CRLS1: variants seen among roughly 807,000 people sequenced by gnomAD.
CRLS1 encodes the protein cardiolipin synthase (CMP-forming).
A neutral mutation model predicts 37.0 loss-of-function variants in CRLS1; 24 were observed. The observed-to-expected ratio is 0.65, with a 90% CI of 0.47 to 0.91. CRLS1 has a LOEUF of 0.91. Ranked by LOEUF, CRLS1 falls within the 40% of genes least tolerant of loss-of-function variation. The probability of loss-of-function intolerance (pLI) is 0.00; values close to 1 mark genes in which losing one functional copy is unlikely to be tolerated. For missense variants in CRLS1, 373 were observed against 395.8 expected (o/e 0.94, Z 0.49); for synonymous variants, 135 against 159.7 (o/e 0.85, Z 1.17).
At position 6,009,720 on chromosome 20, in the gene CRLS1, T is replaced by C. The variant is rs1236808637; in HGVS notation, c.307-55T>C. The stretch of plus-strand genomic sequence containing the variant: ...TTTTTCTAATGTATGTATATAGTTA[T>C]TCAAAGTATGAATTCATAGTATTTT... On this transcript the variant is annotated intron_variant, in intron 1 of 6. Coordinates refer to ENST00000378863, the MANE Select transcript of CRLS1 (RefSeq NM_019095.6). 16 of 1,478,774 alleles carry C rather than the reference T, an allele frequency of 1.1e-5. No individual in the cohort carries two copies. The Admixed American group carries it at 2.4e-4, about 22-fold the overall frequency. The allele number at this position is 1,478,774 out of a possible 1,614,324, so 91.6% of individuals were successfully genotyped here.
intron 3 of CRLS1, among the ~76,000 whole-genome samples, chr20:6,027,114 C>T (rs564294985): frequency 5.9e-4 from 83 of 141,014 alleles, no homozygotes; most frequent in African/African-American, 2.1e-3. Context: ...GAAGGAGTTT[C>T]GCTCTGTCAC....
rs2090074463 is a variant in CRLS1 at position 6,007,481 on chromosome 20, T to C, written c.306+929T>C. The C allele has an allele frequency of 2.0e-5, 29 of 1,448,888 alleles. 1 individual carries two copies. The South Asian group carries it at 3.5e-4, about 17-fold the overall frequency. The allele number at this position is 1,448,888 out of a possible 1,614,324, so 89.8% of individuals were successfully genotyped here. A position where few individuals can be genotyped will look rare whatever the true frequency, so the allele number is the denominator to read the frequency against. On this transcript the variant is annotated intron_variant, in intron 1 of 6. Coordinates refer to ENST00000378863, the MANE Select transcript of CRLS1 (RefSeq NM_019095.6). The stretch of plus-strand genomic sequence containing the variant: ...TTGAAACTTTTACGGATTTAATGAT[T>C]ACAAATTAATGAGACACCTTAACTG...
intron 2 of CRLS1, among the ~76,000 whole-genome samples, chr20:6,013,308 T>G (rs1156804119): frequency 6.6e-6 from 1 of 151,078 alleles, no homozygotes; most frequent in Non-Finnish European, 1.5e-5. Flanking sequence ...CACCTCAGCC[T>G]TCCAAGTAGC....
At position 6,015,441 on chromosome 20, in the gene CRLS1, A is replaced by G. The variant is rs1408444389; in HGVS notation, c.525A>G (p.Ile175Met). The G allele has an allele frequency of 1.9e-6, 3 of 1,611,216 alleles. No homozygotes were observed. The highest frequency in any genetic ancestry group is 2.5e-6 in the Non-Finnish European group (3 of 1,177,502). Residue 175 changes from isoleucine (I) to methionine (M), a missense_variant, in exon 3 of 7, where the codon ATA (isoleucine) becomes ATG (methionine). By Grantham distance (10) the Ile-to-Met change is conservative (BLOSUM62 1). Coordinates refer to ENST00000378863, the MANE Select transcript of CRLS1 (RefSeq NM_019095.6). The stretch of plus-strand genomic sequence containing the variant: ...CTCTTGATCCACTTGCTGATAAAAT[A>G]CTTATCAGTATCTTATATGTTAGCT... Reference protein sequence around the residue: ...GSALDPLADKILISILYVSLT... With the variant: ...GSALDPLADKMLISILYVSLT...
rs1389934495 is a variant in CRLS1, at chr20:6,038,519, C to T, written c.*1361C>T. Reference sequence around the variant, plus strand: ...CGCTTGGCTTGAAGCATACTGAAGCCTGCAGCCAGGGACACCGCCATTGAA... The same window carrying T: ...CGCTTGGCTTGAAGCATACTGAAGCTTGCAGCCAGGGACACCGCCATTGAA... On this transcript the variant is annotated 3_prime_UTR_variant, in exon 7 of 7. Transcript: ENST00000378863. 2.0e-5 allele frequency: 3 copies of T among 152,270 alleles called. No individual in the cohort carries two copies. Among genetic ancestry groups the T allele is most frequent in the Admixed American group, 6.5e-5 (1 of 15,282 alleles). The allele number at this position is 152,270 out of a possible 1,614,324, so 9.4% of individuals were successfully genotyped here.
At chr20:6,015,265 A>T (rs914301286) in intron 2 of CRLS1, 96 bp from the exon 3 acceptor site, 13 of 672,476 alleles carry the variant, frequency 1.9e-5, no homozygotes, top group Middle Eastern at 4.0e-4. Context: ...ATTTTATGAG[A>T]GTATAATTGT....
In CRLS1 at chr20:6,015,473, A is replaced by G. The variant is rs766652713; in HGVS notation, c.557A>G (p.Tyr186Cys). 6 of 1,613,504 alleles carry G rather than the reference A, an allele frequency of 3.7e-6. No homozygotes were observed. The highest frequency in any genetic ancestry group is 5.1e-6 in the Non-Finnish European group (6 of 1,179,504). The change falls in exon 3 of 7, where the codon TAT becomes TGT. Residue 186 changes from tyrosine (Y) to cysteine (C), a missense_variant. Coordinates refer to ENST00000378863, the MANE Select transcript of CRLS1 (RefSeq NM_019095.6). ...AGTATCTTATATGTTAGCTTGACCT[A>G]TGCAGATCTTATTCCAGGTAAGAAC... ...LISILYVSLTYADLIPVPLTY... is the reference protein window; with the variant it reads ...LISILYVSLTCADLIPVPLTY...
At chr20:6,012,073 C>T (rs1230086248) in intron 2 of CRLS1, among the ~76,000 whole-genome samples, 1 of 147,230 alleles carries the variant, frequency 6.8e-6, no homozygotes, top group Admixed American at 6.7e-5. Flanking sequence ...TTGCAGTATT[C>T]ATTGAATGTT....
At chr20:6,011,508 T>C (rs2122921818) in intron 2 of CRLS1, among the ~76,000 whole-genome samples, 1 of 150,110 alleles carries the variant, frequency 6.7e-6, no homozygotes, top group South Asian at 2.1e-4. Flanking sequence ...GAGTTTAGCG[T>C]CTACTAATAT....
At chr20:6,008,123 AG>A (rs2090084161) in intron 1 of CRLS1, among the ~76,000 whole-genome samples, 2 of 144,556 alleles carry the variant, frequency 1.4e-5, no homozygotes, top group African/African-American at 2.6e-5. Flanking sequence ...GATAGTTCAT[AG>A]AATTTTAAAA....
chr20:6,013,173 A>G (rs1978470089), intron 2 of CRLS1, among the ~76,000 whole-genome samples: 1 of 152,046 alleles, frequency 6.6e-6, no homozygotes, highest in African/African-American at 2.4e-5. Context: ...TCCTATATAT[A>G]AAAATATATG....
chr20:6,007,293 G>T, intron 1 of CRLS1: 1 of 1,569,166 alleles, frequency 6.4e-7, no homozygotes, highest in Non-Finnish European at 8.7e-7. Context: ...CCTGGCAGGG[G>T]TCTCAACTCC....
At chr20:6,022,672 G>A (rs1979373455) in intron 3 of CRLS1, among the ~76,000 whole-genome samples, 1 of 152,046 alleles carries the variant, frequency 6.6e-6, no homozygotes, top group South Asian at 2.1e-4. Context: ...TTGCTTTCTT[G>A]TGGCTATTTT....
In CRLS1 at chr20:6,039,465, A is replaced by G. The variant is rs1021493153; in HGVS notation, c.*2307A>G. 2.0e-5 allele frequency: 3 copies of G among 152,144 alleles called. No homozygotes were observed. Among genetic ancestry groups the G allele is most frequent in the Admixed American group, 6.5e-5 (1 of 15,274 alleles). The allele number at this position is 152,144 out of a possible 1,614,324, so 9.4% of individuals were successfully genotyped here. A position where few individuals can be genotyped will look rare whatever the true frequency, so the allele number is the denominator to read the frequency against. On this transcript the variant is annotated 3_prime_UTR_variant, in exon 7 of 7. Coordinates refer to ENST00000378863, the MANE Select transcript of CRLS1 (RefSeq NM_019095.6). ...TTGGGAAGCTCTTTCAAAACTTCAG[A>G]CACCTAGAAATATATATAGTGCAGT... is the stretch of plus-strand genomic sequence containing the variant.
chr20:6,031,519 A>G, intron 4 of CRLS1, 149 bp downstream of exon 4: 1 of 593,264 alleles, frequency 1.7e-6, no homozygotes, highest in Non-Finnish European at 2.9e-6. Context: ...AAATTCTTTA[A>G]AGGTGTTTCA....
chr20:6,026,291 T>A (rs1286647589), intron 3 of CRLS1: 2 of 151,360 alleles, frequency 1.3e-5, no homozygotes, highest in Admixed American at 1.3e-4. Context: ...CTCAGATGAT[T>A]GTTAGCATGT....
chr20:6,024,175 C>T (rs946710912), intron 3 of CRLS1, among the ~76,000 whole-genome samples: 5 of 152,076 alleles, frequency 3.3e-5, no homozygotes, highest in African/African-American at 9.7e-5. Flanking sequence ...AAGCTGCTCT[C>T]GAACTCCTGG....
intron 1 of CRLS1, chr20:6,007,346 T>C (rs940163640): frequency 8.7e-6 from 14 of 1,611,266 alleles, no homozygotes; most frequent in South Asian, 7.7e-5. Context: ...CTGGATACTT[T>C]GAAGTTGCCA....
intron 2 of CRLS1, among the ~76,000 whole-genome samples, chr20:6,014,366 C>G (rs974155770): frequency 6.6e-6 from 1 of 152,180 alleles, no homozygotes; most frequent in Non-Finnish European, 1.5e-5. Context: ...TCTCCTCTAA[C>G]TCATTGGAAT....
Sources: allele counts gnomAD v4.1 joint callset (sites outside exome capture counted in the v4.1 genomes callset), GRCh38; gene constraint gnomAD v4.1.1; transcripts MANE v1.5; gene names NCBI Gene and HGNC (gene_info 2026-07-23, HGNC 2026-07-21).